Variants in PRDM16 observed in about 807,000 individuals in gnomAD.
PRDM16 encodes the protein PR/SET domain 16.
PRDM16 carries 23 observed loss-of-function variants against 110.6 expected under a neutral mutation model. The observed-to-expected ratio is 0.21, with a 90% CI of 0.15 to 0.29. PRDM16 has a LOEUF of 0.29. Among genes scored for constraint, PRDM16 ranks in the 10% least tolerant of loss-of-function variants. The probability of loss-of-function intolerance (pLI) is 1.00; values close to 1 mark genes in which losing one functional copy is unlikely to be tolerated. For synonymous variants in PRDM16, 799 were observed against 781.8 expected, an observed-to-expected ratio of 1.02 and a Z score of -0.37; for missense variants, 1,615 against 1,794.3, an observed-to-expected ratio of 0.90 and a Z score of 1.81.
intron 1 of PRDM16, among the ~76,000 whole-genome samples, chr1:3,124,178 G>C (rs1643155389): frequency 6.6e-6 from 1 of 152,326 alleles, no homozygotes; most frequent in East Asian, 1.9e-4. Flanking sequence ...GTGGCTCCTG[G>C]AGTCCTGGGG....
intron 3 of PRDM16, among the ~76,000 whole-genome samples, chr1:3,344,612 G>A (rs1642328669): frequency 6.6e-6 from 1 of 152,096 alleles, no homozygotes; most frequent in Admixed American, 6.5e-5. Flanking sequence ...TTATTGTATT[G>A]GATGTTGTAG....
intron 1 of PRDM16, among the ~76,000 whole-genome samples, chr1:3,078,737 C>T (rs137943065): frequency 0.01 from 1,558 of 152,320 alleles, 24 homozygotes; most frequent in African/African-American, 0.034. Flanking sequence ...ACGTGAGGAA[C>T]GGGCTCTGAA....
intron 1 of PRDM16, among the ~76,000 whole-genome samples, chr1:3,104,115 G>A (rs959855198): frequency 1.1e-4 from 17 of 152,298 alleles, no homozygotes; most frequent in Middle Eastern, 3.4e-3. Flanking sequence ...ACTGAATGGC[G>A]GATTCCCATG....
intron 1 of PRDM16, among the ~76,000 whole-genome samples, chr1:3,137,878 G>A (rs536315073): frequency 6.6e-5 from 10 of 152,342 alleles, no homozygotes; most frequent in Admixed American, 2.0e-4. Flanking sequence ...CTCCCTCGCC[G>A]ATGCTTGCCA....
chr1:3,390,337 A>G lies in PRDM16; in HGVS notation c.573+5051A>G, dbSNP rs1432519143. Among the ~76,000 whole-genome samples the G allele has an allele frequency of 1.3e-5, 2 of 151,852 alleles. No individual in the cohort carries two copies. Among genetic ancestry groups the G allele is most frequent in the Admixed American group, 6.5e-5 (1 of 15,276 alleles). The stretch of plus-strand genomic sequence containing the variant: ...ACACAAATGTCGGGGAGCTGGACTC[A>G]GGGGTGCGGGCCCCCCAGCGTACCA... On this transcript the variant is annotated intron_variant, in intron 4 of 16. Coordinates refer to ENST00000270722, the MANE Select transcript of PRDM16 (RefSeq NM_022114.4). This position sits in a 1 kb window ranked among gnomAD's most constrained non-coding sequence, Gnocchi z 5.0.
At chr1:3,368,725 T>C (rs897159428) in intron 3 of PRDM16, among the ~76,000 whole-genome samples, 1 of 152,164 alleles carries the variant, frequency 6.6e-6, no homozygotes, top group African/African-American at 2.4e-5. Context: ...TTTATTCACA[T>C]CCTGGTAACA....
chr1:3,375,666 G>A (rs902694263), intron 3 of PRDM16, among the ~76,000 whole-genome samples: 1 of 152,220 alleles, frequency 6.6e-6, no homozygotes, highest in East Asian at 1.9e-4. Flanking sequence ...CTCAAGGCCC[G>A]GGCTTGTGTG....
chr1:3,102,371 C>T (rs150014345), intron 1 of PRDM16, among the ~76,000 whole-genome samples: 3,054 of 152,264 alleles, frequency 0.02, 58 homozygotes, highest in South Asian at 0.042. Context: ...GGATGGAGTC[C>T]TGGAATAAAA....
chr1:3,361,902 G>A (rs368206078), intron 3 of PRDM16, among the ~76,000 whole-genome samples: 28 of 147,970 alleles, frequency 1.9e-4, no homozygotes, highest in East Asian at 1.4e-3. Context: ...AAGTGACTGC[G>A]GTCCAGGAGG....
intron 16 of PRDM16, 90 bp downstream of exon 16, chr1:3,432,230 G>T: frequency 8.2e-7 from 1 of 1,223,124 alleles, no homozygotes; most frequent in African/African-American, 1.5e-5. Flanking sequence ...GGCCCTCCTA[G>T]GCCTGAGGAA....
rs550068390 is a variant in PRDM16 at position 3,417,046 on chromosome 1, C to A, written c.2692-782C>A. On this transcript the variant is annotated intron_variant, in intron 10 of 16. Transcript: ENST00000270722. The stretch of plus-strand genomic sequence containing the variant: ...CTCTCCTGTCGCTATTGTCAGAGAC[C>A]TCAGTGGGGCCAGGACAGTCTGGGA... 2.0e-5 allele frequency among the ~76,000 whole-genome samples: 3 copies of A among 152,330 alleles called. No homozygotes were observed. In the East Asian group the frequency reaches 5.8e-4, roughly 29 times the overall value.
At chr1:3,323,561 GC>G (rs1469171599) in intron 3 of PRDM16, among the ~76,000 whole-genome samples, 1 of 152,174 alleles carries the variant, frequency 6.6e-6, no homozygotes, top group Non-Finnish European at 1.5e-5. Context: ...AGGATCAGGG[GC>G]CCCGCCAGCT....
At chr1:3,366,512 G>A (rs1642819150) in intron 3 of PRDM16, among the ~76,000 whole-genome samples, 1 of 152,222 alleles carries the variant, frequency 6.6e-6, no homozygotes, top group Non-Finnish European at 1.5e-5. Context: ...CCTGCTCCGG[G>A]GGCCAGTGTG....
At chr1:3,269,931 G>GGGAGGAGGACAGTCA (rs1346993021) in intron 3 of PRDM16, among the ~76,000 whole-genome samples, 2 of 148,904 alleles carry the variant, frequency 1.3e-5, no homozygotes, top group African/African-American at 5.0e-5. Context: ...GAGGACAATC[G>GGGAGGAGGACAGTCA]GGAGGAGGAC....
intron 1 of PRDM16, among the ~76,000 whole-genome samples, chr1:3,122,908 G>A (rs1405464491): frequency 2.0e-5 from 3 of 152,324 alleles, no homozygotes; most frequent in East Asian, 1.9e-4. Flanking sequence ...ACTGGAGCGC[G>A]GGAAGGGCAA....
intron 3 of PRDM16, among the ~76,000 whole-genome samples, chr1:3,317,920 TTAAC>T (rs1333621449): frequency 1.3e-5 from 2 of 152,352 alleles, no homozygotes; most frequent in East Asian, 1.9e-4. Context: ...GCACATTACA[TTAAC>T]TAATTTGAGA....
At chr1:3,301,645 G>A (rs1474936509) in intron 3 of PRDM16, among the ~76,000 whole-genome samples, 2 of 152,166 alleles carry the variant, frequency 1.3e-5, no homozygotes, top group Non-Finnish European at 2.9e-5. Context: ...AACGTCCGGT[G>A]GGCAGGACAG....
At chr1:3,418,294 G>A (rs1638327302) in intron 11 of PRDM16, among the ~76,000 whole-genome samples, 1 of 152,230 alleles carries the variant, frequency 6.6e-6, no homozygotes, top group African/African-American at 2.4e-5. Flanking sequence ...TCAGCGCTTG[G>A]AGGGATGGGA....
chr1:3,074,949 C>T (rs566348652), intron 1 of PRDM16, among the ~76,000 whole-genome samples: 11 of 152,366 alleles, frequency 7.2e-5, no homozygotes, highest in African/African-American at 2.4e-4. Context: ...TCCTAGGCTG[C>T]AGCCAGGGCC....
Sources: allele counts gnomAD v4.1 joint callset (sites outside exome capture counted in the v4.1 genomes callset), GRCh38; gene constraint gnomAD v4.1.1; non-coding constraint Gnocchi (gnomAD v3.1); transcripts MANE v1.5; gene names NCBI Gene and HGNC (gene_info 2026-07-23, HGNC 2026-07-21).